GSTA5: variants seen among roughly 807,000 people sequenced by gnomAD.
GSTA5 encodes the protein glutathione S-transferase A5.
In GSTA5, 25 loss-of-function variants were observed where a neutral mutation model predicts 21.8. The ratio of observed to expected loss-of-function variants is 1.14; its 90% CI spans 0.83 to 1.60. The LOEUF is 1.60. GSTA5 is among the 40% of genes most tolerant of loss of function. The pLI, the probability that GSTA5 is intolerant of heterozygous loss-of-function variation, is 0.00. For synonymous variants in GSTA5, 102 were observed against 89.5 expected (o/e 1.14, Z -0.78); for missense variants, 330 against 259.2 (o/e 1.27, Z -1.88).
chr6:52,843,340 A>G (rs1036301106), upstream of GSTA5, among the ~76,000 whole-genome samples: 1 of 152,182 alleles, frequency 6.6e-6, no homozygotes, highest in African/African-American at 2.4e-5. Context: ...GTCTTCCACA[A>G]TGGTTGAACT....
At chr6:52,834,082 A>G (rs1764256756) in intron 4 of GSTA5, 59 bp downstream of exon 4, 2 of 1,598,486 alleles carry the variant, frequency 1.3e-6, no homozygotes, top group East Asian at 2.2e-5. Flanking sequence ...ATGCCCAGCC[A>G]CTATTTTTCT....
exon 4 of GSTA5, chr6:52,834,227 G>T (rs1264909568): frequency 1.2e-6 from 2 of 1,613,692 alleles, no homozygotes; most frequent in South Asian, 1.1e-5. Context: ...TGACATATGA[G>T]CAGAAGAAGG....
chr6:52,843,692 A>G (rs1268451841), upstream of GSTA5, among the ~76,000 whole-genome samples: 1 of 152,192 alleles, frequency 6.6e-6, no homozygotes, highest in Non-Finnish European at 1.5e-5. Flanking sequence ...CTAACTTGGG[A>G]AATGCAAATA....
At chr6:52,839,245 C>G (rs1764337622) in intron 1 of GSTA5, among the ~76,000 whole-genome samples, 1 of 152,204 alleles carries the variant, frequency 6.6e-6, no homozygotes, top group African/African-American at 2.4e-5. Context: ...TGAGCAAGGT[C>G]TGCAGTCAGC....
chr6:52,831,900 G>T (rs768376514), exon 6 of GSTA5: 3 of 1,613,590 alleles, frequency 1.9e-6, no homozygotes, highest in Non-Finnish European at 2.5e-6. Flanking sequence ...ATCCATGGGA[G>T]GCTTTCTCTG....
chr6:52,844,199 ACTC>A (rs1338392683), upstream of GSTA5, among the ~76,000 whole-genome samples: 1 of 151,928 alleles, frequency 6.6e-6, no homozygotes, highest in Non-Finnish European at 1.5e-5. Flanking sequence ...GTCAGCCTGA[ACTC>A]CTTCTGATTG....
In GSTA5 at chr6:52,836,491, T is replaced by A. The variant is rs1182507688; in HGVS notation, c.140-123A>T. 3 of 1,013,476 alleles carry A rather than the reference T, an allele frequency of 3.0e-6. No individual in the cohort carries two copies. The African/African-American group carries it at 4.9e-5, about 16-fold the overall frequency. The allele number at this position is 1,013,476 out of a possible 1,614,324, so 62.8% of individuals were successfully genotyped here. A position where few individuals can be genotyped will look rare whatever the true frequency, so the allele number is the denominator to read the frequency against. ...GAAAAAGAAATTATTGCCTGTTAAG[T>A]TTTCACTTGAAACAACTTTTTTCCT... On this transcript the variant is annotated intron_variant, in intron 2 of 5. Transcript: ENST00000370989.
At chr6:52,837,365 T>C (rs1235408745) in intron 2 of GSTA5, among the ~76,000 whole-genome samples, 193 bp downstream of exon 2, 2 of 152,106 alleles carry the variant, frequency 1.3e-5, no homozygotes, top group Non-Finnish European at 2.9e-5. Context: ...CTCTGAGAGG[T>C]CTGGTCCTTT....
intron 3 of GSTA5, among the ~76,000 whole-genome samples, chr6:52,835,056 G>C (rs1764273319): frequency 6.6e-6 from 1 of 152,102 alleles, no homozygotes; most frequent in African/African-American, 2.4e-5. Context: ...TTACACTATT[G>C]AGTGGTTTTT....
At chr6:52,832,707 A>G in intron 5 of GSTA5, 152 bp downstream of exon 5, 12 of 1,321,204 alleles carry the variant, frequency 9.1e-6, no homozygotes, top group Non-Finnish European at 4.2e-6. Context: ...TCATTCTTCA[A>G]AATTGGAGCC....
intron 1 of GSTA5, 36 bp downstream of exon 1, chr6:52,840,691 T>C (rs1282607558): frequency 6.3e-7 from 1 of 1,583,002 alleles, no homozygotes; most frequent in Non-Finnish European, 8.7e-7. Context: ...AACGCAATTT[T>C]AAATCCAACT....
At chr6:52,834,221 A>C in exon 4 of GSTA5, 1 of 1,613,914 alleles carries the variant, frequency 6.2e-7, no homozygotes, top group Non-Finnish European at 8.5e-7. Flanking sequence ...TCTGGTTGAC[A>C]TATGAGCAGA....
exon 5 of GSTA5, chr6:52,832,917 A>G: frequency 6.2e-7 from 1 of 1,614,166 alleles, no homozygotes; most frequent in Non-Finnish European, 8.5e-7. Context: ...GTAGTAGAAA[A>G]GTTCCACCAG....
chr6:52,834,307 A>G (rs767362002), intron 3 of GSTA5, 25 bp from the exon 4 acceptor site: 1 of 1,591,854 alleles, frequency 6.3e-7, no homozygotes, highest in Non-Finnish European at 8.6e-7. Context: ...CAACCAAACC[A>G]TCAAATGCCT....
chr6:52,837,725 A>G, intron 1 of GSTA5, 116 bp from the exon 2 acceptor site: 2 of 743,374 alleles, frequency 2.7e-6, no homozygotes, highest in Non-Finnish European at 4.5e-6. Context: ...TGAGTTTCGC[A>G]GGATATACAG....
chr6:52,833,704 G>A (rs1372384504), intron 4 of GSTA5, among the ~76,000 whole-genome samples: 1 of 152,140 alleles, frequency 6.6e-6, no homozygotes. Context: ...CTGAAACACT[G>A]CAATATTCTC....
At chr6:52,842,924 C>A (rs1359311909), upstream of GSTA5, among the ~76,000 whole-genome samples, 1 of 152,072 alleles carries the variant, frequency 6.6e-6, no homozygotes, top group African/African-American at 2.4e-5. Flanking sequence ...ACTATAGGTC[C>A]CGGTGTGTGA....
chr6:52,842,894 C>T (rs1437272028), upstream of GSTA5, among the ~76,000 whole-genome samples: 3 of 152,118 alleles, frequency 2.0e-5, no homozygotes, highest in Non-Finnish European at 4.4e-5. Flanking sequence ...AATGCTATCC[C>T]TTCCCTAGGC....
intron 1 of GSTA5, among the ~76,000 whole-genome samples, chr6:52,839,498 G>A (rs1404059321): frequency 2.0e-5 from 3 of 152,218 alleles, no homozygotes; most frequent in Admixed American, 1.3e-4. Flanking sequence ...AAAGGGTGAG[G>A]CTAAAGTCCC....
Sources: gnomAD v4.1 joint callset for allele counts (sites outside exome capture counted in the v4.1 genomes callset) on GRCh38, gnomAD v4.1.1 for gene constraint, MANE v1.5 for transcripts, NCBI Gene and HGNC (gene_info 2026-07-23, HGNC 2026-07-21) for gene names.